Variants in SDCCAG8 observed in about 807,000 individuals in gnomAD.
SDCCAG8 encodes the protein SHH signaling and ciliogenesis regulator SDCCAG8.
SDCCAG8 carries 74 observed loss-of-function variants against 101.8 expected under a neutral mutation model. That is an observed-to-expected ratio of 0.73 (90% CI 0.60 to 0.88). SDCCAG8 has a LOEUF of 0.88. Ranked by LOEUF, SDCCAG8 falls within the 40% of genes least tolerant of loss-of-function variation. The pLI, the probability that SDCCAG8 is intolerant of heterozygous loss-of-function variation, is 0.00. For missense variants in SDCCAG8, 787 were observed against 822.6 expected, an observed-to-expected ratio of 0.96 and a Z score of 0.53; for synonymous variants, 281 against 292.9, an observed-to-expected ratio of 0.96 and a Z score of 0.41.
intron 12 of SDCCAG8, among the ~76,000 whole-genome samples, chr1:243,359,189 C>A (rs1294045441): frequency 6.6e-6 from 1 of 152,150 alleles, no homozygotes; most frequent in Non-Finnish European, 1.5e-5. Context: ...TTCTGAAGTT[C>A]AATCATTGGA....
intron 13 of SDCCAG8, among the ~76,000 whole-genome samples, chr1:243,411,037 A>G (rs2080133902): frequency 6.6e-6 from 1 of 152,202 alleles, no homozygotes; most frequent in Non-Finnish European, 1.5e-5. Flanking sequence ...ATTACAGGTG[A>G]TGTGAATAAC....
chr1:243,257,846 A>G (rs2066892514), intron 1 of SDCCAG8, among the ~76,000 whole-genome samples: 1 of 152,226 alleles, frequency 6.6e-6, no homozygotes, highest in Admixed American at 6.5e-5. Flanking sequence ...TGATATGAGT[A>G]ATTGTAATTT....
At chr1:243,348,817 A>G (rs1035851792) in intron 12 of SDCCAG8, among the ~76,000 whole-genome samples, 16 of 45,644 alleles carry the variant, frequency 3.5e-4, no homozygotes, top group African/African-American at 8.3e-4. Flanking sequence ...TACTAAAAAT[A>G]CAAAAAAAAA....
intron 12 of SDCCAG8, among the ~76,000 whole-genome samples, chr1:243,362,887 C>A (rs1325344091): frequency 6.6e-6 from 1 of 152,092 alleles, no homozygotes; most frequent in Non-Finnish European, 1.5e-5. Flanking sequence ...CAATTAAAAC[C>A]CCTCATGGCA....
chr1:243,266,785 A>AAGAAAAG (rs1553284004), intron 1 of SDCCAG8, among the ~76,000 whole-genome samples: 1 of 148,246 alleles, frequency 6.7e-6, no homozygotes, highest in African/African-American at 2.5e-5. Flanking sequence ...ACAAAAAAAA[A>AAGAAAAG]AAAAGAAATT....
At chr1:243,468,438 G>A (rs547612121) in intron 16 of SDCCAG8, among the ~76,000 whole-genome samples, 5 of 152,240 alleles carry the variant, frequency 3.3e-5, no homozygotes, top group East Asian at 3.9e-4. Flanking sequence ...GGCTGGTCTC[G>A]AACTCCTGAC....
chr1:243,449,975 A>G (rs1462938692), intron 16 of SDCCAG8, among the ~76,000 whole-genome samples: 4 of 152,160 alleles, frequency 2.6e-5, no homozygotes, highest in Non-Finnish European at 5.9e-5. Context: ...CACCAGAACT[A>G]TTCTTTCAGG....
intron 8 of SDCCAG8, among the ~76,000 whole-genome samples, chr1:243,316,263 G>A (rs545909520): frequency 1.1e-4 from 17 of 152,308 alleles, no homozygotes; most frequent in Middle Eastern, 3.4e-3. Context: ...GAATGTAATT[G>A]AAAGAGAAGT....
At chr1:243,475,306 G>T (rs1334215470) in intron 16 of SDCCAG8, among the ~76,000 whole-genome samples, 1 of 152,136 alleles carries the variant, frequency 6.6e-6, no homozygotes, top group Non-Finnish European at 1.5e-5. Flanking sequence ...TCTTTCTATT[G>T]CCTGCAGGGG....
chr1:243,314,328 C>A (rs2073044655), intron 8 of SDCCAG8, among the ~76,000 whole-genome samples: 1 of 152,164 alleles, frequency 6.6e-6, no homozygotes, highest in African/African-American at 2.4e-5. Context: ...GGAGTTTTAT[C>A]TTTGATAATT....
In SDCCAG8 at chr1:243,345,886, G is replaced by C. The variant is rs561637111; in HGVS notation, c.1473+1555G>C. ...GATTTACAAGGAGCAGTTTTCATTT[G>C]TAAACGTTTTCTGATAATAGTGAAA... On this transcript the variant is annotated intron_variant, in intron 12 of 17. Coordinates refer to ENST00000366541, the MANE Select transcript of SDCCAG8 (RefSeq NM_006642.5). Among the ~76,000 whole-genome samples, 156 of 152,306 alleles carry C rather than the reference G, an allele frequency of 1.0e-3. 1 individual carries two copies. Among genetic ancestry groups the C allele is most frequent in the African/African-American group, 3.6e-3 (150 of 41,582 alleles).
At chr1:243,285,853 T>A (rs367798580) in intron 4 of SDCCAG8, among the ~76,000 whole-genome samples, 14 of 152,230 alleles carry the variant, frequency 9.2e-5, no homozygotes, top group East Asian at 7.7e-4. Context: ...CGTCTATGCC[T>A]TTCTATCTCA....
At chr1:243,273,708 C>T (rs921523684) in intron 3 of SDCCAG8, among the ~76,000 whole-genome samples, 1 of 152,348 alleles carries the variant, frequency 6.6e-6, no homozygotes, top group East Asian at 1.9e-4. Flanking sequence ...CTTCACGGAG[C>T]TGCTGCAGTT....
Position 243,348,630 on chromosome 1 carries a change from G to A in SDCCAG8, c.1473+4299G>A, listed in dbSNP as rs996991169. On this transcript the variant is annotated intron_variant, in intron 12 of 17. Coordinates refer to ENST00000366541, the MANE Select transcript of SDCCAG8 (RefSeq NM_006642.5). ...CTGCAGTGAGGCAGTGGAAAGATGA[G>A]ACCACATACAGGAGTTCAGTCTCCA... 9.9e-4 allele frequency among the ~76,000 whole-genome samples: 150 copies of A among 152,108 alleles called. 1 individual carries two copies. Among genetic ancestry groups the A allele is most frequent in the Middle Eastern group, 3.4e-3 (1 of 294 alleles).
At chr1:243,290,160 A>G (rs986520211) in intron 5 of SDCCAG8, among the ~76,000 whole-genome samples, 5 of 151,970 alleles carry the variant, frequency 3.3e-5, no homozygotes, top group Non-Finnish European at 1.5e-5. Context: ...TTCTCGGCCA[A>G]TATTTTTCAC....
intron 10 of SDCCAG8, among the ~76,000 whole-genome samples, chr1:243,331,845 T>C (rs886705123): frequency 2.6e-5 from 4 of 151,622 alleles, no homozygotes; most frequent in Non-Finnish European, 5.9e-5. Flanking sequence ...ACAGGAACGA[T>C]GCAGTTTCCT....
chr1:243,399,611 A>T (rs1346266519), intron 13 of SDCCAG8, among the ~76,000 whole-genome samples: 2 of 151,968 alleles, frequency 1.3e-5, no homozygotes, highest in Non-Finnish European at 2.9e-5. Context: ...GGTTCAAGTG[A>T]TTCTCCTGCC....
chr1:243,332,841 C>A (rs1272074767), intron 10 of SDCCAG8, among the ~76,000 whole-genome samples: 2 of 151,116 alleles, frequency 1.3e-5, no homozygotes, highest in Non-Finnish European at 3.0e-5. Context: ...TATCGTGGTC[C>A]CGGTCTGGAG....
At chr1:243,481,469 G>A (rs531692566) in intron 16 of SDCCAG8, among the ~76,000 whole-genome samples, 2 of 152,252 alleles carry the variant, frequency 1.3e-5, no homozygotes, top group Non-Finnish European at 2.9e-5. Flanking sequence ...GATTAAATTA[G>A]GGAATGTAAA....
Sources: allele counts gnomAD v4.1 joint callset (sites outside exome capture counted in the v4.1 genomes callset), GRCh38; gene constraint gnomAD v4.1.1; transcripts MANE v1.5; gene names NCBI Gene and HGNC (gene_info 2026-07-23, HGNC 2026-07-21).